Variants in PEX1 observed in about 807,000 individuals in gnomAD.
PEX1 encodes the protein peroxisomal ATPase PEX1.
A neutral mutation model predicts 152.5 loss-of-function variants in PEX1; 97 were observed. The ratio of observed to expected loss-of-function variants is 0.64; its 90% CI spans 0.54 to 0.75. The LOEUF (loss-of-function observed/expected upper bound fraction) is 0.75, where lower values mean the gene tolerates loss of function less well. PEX1 is among the 30% of genes least tolerant of loss of function. PEX1 has a pLI of 0.00. For synonymous variants in PEX1, 485 were observed against 531.6 expected (o/e 0.91, Z 1.21); for missense variants, 1,357 against 1,516.3 (o/e 0.89, Z 1.74).
In PEX1 at chr7:92,504,915, G is replaced by T; in HGVS notation, c.1901-13C>A. ...TCAAGCCTTTTTCCTTAATACAGAAGATATGAAATGGTTTCAGTATCATTT... is the reference window on the plus strand; with the variant it reads ...TCAAGCCTTTTTCCTTAATACAGAATATATGAAATGGTTTCAGTATCATTT... On this transcript the variant is annotated splice_polypyrimidine_tract_variant and intron_variant, in intron 11 of 23. Transcript: ENST00000248633. 6.2e-7 allele frequency: 1 copy of T among 1,601,842 alleles called. No homozygotes were observed. Among genetic ancestry groups the T allele is most frequent in the Non-Finnish European group, 8.6e-7 (1 of 1,168,902 alleles).
intron 5 of PEX1, among the ~76,000 whole-genome samples, chr7:92,515,325 T>G (rs1792691117): frequency 6.6e-6 from 1 of 152,066 alleles, no homozygotes; most frequent in South Asian, 2.1e-4. Flanking sequence ...GTTTGTTGTT[T>G]TTTTTTAATC....
intron 5 of PEX1, among the ~76,000 whole-genome samples, chr7:92,515,218 C>T (rs1229056927): frequency 6.6e-6 from 1 of 151,108 alleles, no homozygotes; most frequent in Non-Finnish European, 1.5e-5. Flanking sequence ...TTCTAAAGAG[C>T]AGGTGCAGAC....
Position 92,502,057 on chromosome 7 carries a change from C to T in PEX1, c.2249G>A (p.Cys750Tyr), listed in dbSNP as rs773562757. ...PNQEQRCEIL[C>Y]NVIKNKLDCD... is the part of the protein sequence containing the mutation. Reference sequence around the variant, plus strand: ...GTCCAATTTATTTTTTATTACATTACACAGAATTTCACATCTTTGTTCCTA... The same window carrying T: ...GTCCAATTTATTTTTTATTACATTATACAGAATTTCACATCTTTGTTCCTA... Residue 750 changes from cysteine (C) to tyrosine (Y), a missense_variant, in exon 14 of 24, where the codon TGT (cysteine) becomes TAT (tyrosine). Coordinates refer to ENST00000248633, the MANE Select transcript of PEX1 (RefSeq NM_000466.3). 6.2e-7 allele frequency: 1 copy of T among 1,605,816 alleles called. No individual in the cohort carries two copies. Among genetic ancestry groups the T allele is most frequent in the Non-Finnish European group, 8.5e-7 (1 of 1,173,176 alleles).
Position 92,494,538 on chromosome 7 carries a change from G to C in PEX1, c.2875C>G (p.Arg959Gly), listed in dbSNP as rs1057517481. The change falls in exon 18 of 24, where the codon CGA becomes GGA. Residue 959 changes from arginine to glycine, a missense_variant. Physicochemically the swap from Arg to Gly is moderately radical, Grantham distance 125. Coordinates refer to ENST00000248633, the MANE Select transcript of PEX1 (RefSeq NM_000466.3). ...TGAGTCAGCAACTGGTTAACTACTC[G>C]GTCTGTAACTCCTGTATTATCATGA... ...RGHDNTGVTD[R>G]VVNQLLTQLD... is the part of the protein sequence containing the mutation. 2 of 1,613,580 alleles carry C rather than the reference G, an allele frequency of 1.2e-6. No individual in the cohort carries two copies. The highest frequency in any genetic ancestry group is 1.1e-5 in the South Asian group (1 of 91,074).
intron 5 of PEX1, among the ~76,000 whole-genome samples, chr7:92,514,230 T>C (rs1465873022): frequency 2.6e-5 from 4 of 152,188 alleles, no homozygotes; most frequent in African/African-American, 9.6e-5. Context: ...TTCACCTTCA[T>C]GACCTAATCA....
At position 92,517,954 on chromosome 7, in the gene PEX1, A is replaced by T. The variant is rs944593088; in HGVS notation, c.561T>A (p.Asn187Lys). 1.9e-6 allele frequency: 3 copies of T among 1,604,338 alleles called. No homozygotes were observed. Reference sequence around the variant, plus strand: ...ATTCAGCATCAGCTTTTGAAAATGTATTCTCTTTGGCTCGGCGTGTCTTTG... The same window carrying T: ...ATTCAGCATCAGCTTTTGAAAATGTTTTCTCTTTGGCTCGGCGTGTCTTTG... The part of the protein sequence containing the change: ...IQPKTRRAKE[N>K]TFSKADAEYK... Residue 187 changes from asparagine (N) to lysine (K), a missense_variant, in exon 5 of 24, where the codon AAT (asparagine) becomes AAA (lysine). Transcript: ENST00000248633.
At chr7:92,492,410 T>C (rs1348656435) in intron 20 of PEX1, among the ~76,000 whole-genome samples, 1 of 152,158 alleles carries the variant, frequency 6.6e-6, no homozygotes, top group Non-Finnish European at 1.5e-5. Flanking sequence ...CAAATGATCC[T>C]CCTGCCTTGG....
At chr7:92,516,057 A>AGAG (rs1562864853) in intron 5 of PEX1, among the ~76,000 whole-genome samples, 1,088 of 81,168 alleles carry the variant, frequency 0.013, 11 homozygotes, top group East Asian at 0.052. Context: ...AGAAGAGAAA[A>AGAG]AAGAAAAGAA....
At chr7:92,496,799 G>C (rs1288735131) in intron 16 of PEX1, 22 bp from the exon 17 acceptor site, 20 of 1,498,604 alleles carry the variant, frequency 1.3e-5, no homozygotes, top group Non-Finnish European at 1.9e-5. Flanking sequence ...AATAAGAGTT[G>C]AGATAAAATT....
intron 18 of PEX1, 26 bp from the exon 19 acceptor site, chr7:92,494,422 A>G (rs1791538429): frequency 2.5e-6 from 4 of 1,611,196 alleles, no homozygotes; most frequent in Non-Finnish European, 3.4e-6. Flanking sequence ...ACATTTTTTT[A>G]CCAAAATCTG....
At chr7:92,499,600 C>T (rs1791824366) in intron 16 of PEX1, 104 bp downstream of exon 16, 1 of 929,940 alleles carries the variant, frequency 1.1e-6, no homozygotes, top group African/African-American at 1.6e-5. Flanking sequence ...GGTTGCATAG[C>T]ATTGTGAATG....
intron 13 of PEX1, among the ~76,000 whole-genome samples, 186 bp downstream of exon 13, chr7:92,502,855 C>A (rs1006181144): frequency 1.3e-5 from 2 of 152,216 alleles, no homozygotes; most frequent in Non-Finnish European, 2.9e-5. Flanking sequence ...AAAGCGCATA[C>A]TAACATTTCA....
chr7:92,501,319 T>C (rs529653764), intron 15 of PEX1, among the ~76,000 whole-genome samples, 188 bp downstream of exon 15: 100 of 152,126 alleles, frequency 6.6e-4, no homozygotes, highest in African/African-American at 2.4e-3. Flanking sequence ...TCAATTCTAA[T>C]AAAAAATTAA....
At chr7:92,515,867 A>G (rs1273108004) in intron 5 of PEX1, among the ~76,000 whole-genome samples, 2 of 151,628 alleles carry the variant, frequency 1.3e-5, no homozygotes, top group Non-Finnish European at 2.9e-5. Context: ...GGTGGCGCAC[A>G]CTTGTAGTCC....
chr7:92,524,013 A>G (rs1472005928), intron 1 of PEX1, among the ~76,000 whole-genome samples: 1 of 152,112 alleles, frequency 6.6e-6, no homozygotes, highest in Non-Finnish European at 1.5e-5. Context: ...AGCCTGGGCA[A>G]CATGGCAAGA....
At chr7:92,505,089 G>A (rs368809504) in intron 11 of PEX1, among the ~76,000 whole-genome samples, 187 bp from the exon 12 acceptor site, 85 of 152,144 alleles carry the variant, frequency 5.6e-4, no homozygotes, top group African/African-American at 1.9e-3. Context: ...GTCTCAAAGC[G>A]TGCAGTAAAG....
chr7:92,514,116 C>A, intron 5 of PEX1, 149 bp from the exon 6 acceptor site: 1 of 572,134 alleles, frequency 1.7e-6, no homozygotes, highest in South Asian at 2.3e-5. Context: ...TCAGTCCATG[C>A]AGGCTGCTAT....
Position 92,517,843 on chromosome 7 carries a change from T to G in PEX1, c.672A>C (p.Gly224=). 2 of 1,544,066 alleles carry G rather than the reference T, an allele frequency of 1.3e-6. No homozygotes were observed. Among genetic ancestry groups the G allele is most frequent in the Non-Finnish European group, 1.7e-6 (2 of 1,151,430 alleles). ...QTKQLQSNTV[G]ITESNENESE... The stretch of plus-strand genomic sequence containing the variant: ...ACTCGTTTTCATTAGATTCAGTGAT[T>G]CCCACAGTATTTGACTGAAGTTGCT... The change falls in exon 5 of 24, where the codon GGA becomes GGC. Residue 224 remains glycine, a synonymous_variant. Transcript: ENST00000248633.
chr7:92,517,167 T>A (rs1792826931), intron 5 of PEX1, 109 bp downstream of exon 5: 6 of 935,676 alleles, frequency 6.4e-6, no homozygotes, highest in Admixed American at 2.0e-5. Flanking sequence ...AGGCACTGTG[T>A]TTCTTTTTAA....
Sources: gnomAD v4.1 joint callset for allele counts (sites outside exome capture counted in the v4.1 genomes callset) on GRCh38, gnomAD v4.1.1 for gene constraint, MANE v1.5 for transcripts, NCBI Gene and HGNC (gene_info 2026-07-23, HGNC 2026-07-21) for gene names.